KIAA1549L: variants seen among roughly 807,000 people sequenced by gnomAD.
The protein encoded by KIAA1549L is KIAA1549 like.
KIAA1549L carries 88 observed loss-of-function variants against 160.7 expected under a neutral mutation model. The ratio of observed to expected loss-of-function variants is 0.55; its 90% CI spans 0.46 to 0.65. The LOEUF (loss-of-function observed/expected upper bound fraction) is 0.65, where lower values mean the gene tolerates loss of function less well. Ranked by LOEUF, KIAA1549L falls within the 30% of genes least tolerant of loss-of-function variation. KIAA1549L has a pLI of 0.00. For missense variants in KIAA1549L, 2,258 were observed against 2,437.5 expected, an observed-to-expected ratio of 0.93 and a Z score of 1.55; for synonymous variants, 950 against 976.7, an observed-to-expected ratio of 0.97 and a Z score of 0.51.
At chr11:33,577,208 G>T (rs1196216240) in intron 10 of KIAA1549L, among the ~76,000 whole-genome samples, 1 of 152,198 alleles carries the variant, frequency 6.6e-6, no homozygotes, top group Non-Finnish European at 1.5e-5. Flanking sequence ...TAAGGGGATT[G>T]GAGGTTGTGA....
chr11:33,480,998 A>G (rs1852400769), intron 1 of KIAA1549L, among the ~76,000 whole-genome samples: 1 of 152,182 alleles, frequency 6.6e-6, no homozygotes, highest in South Asian at 2.1e-4. Context: ...TCAACATTGA[A>G]TTTTACTATT....
At position 33,534,239 on chromosome 11, in the gene KIAA1549L, C is replaced by A. The variant is rs373516689; in HGVS notation, c.239-7563C>A. Among the ~76,000 whole-genome samples, 753 of 151,818 alleles carry A rather than the reference C, an allele frequency of 5.0e-3. 3 individuals carry two copies. The highest frequency in any genetic ancestry group is 0.017 in the African/African-American group (698 of 41,322). ...CTGGGATTACAGGTTCCCACCACCA[C>A]GCCCAGCTAATTTTTTTTTTTTTTG... On this transcript the variant is annotated intron_variant, in intron 1 of 20. Transcript: ENST00000658780.
At chr11:33,563,378 GT>G (rs1854938788) in intron 8 of KIAA1549L, among the ~76,000 whole-genome samples, 1 of 150,244 alleles carries the variant, frequency 6.7e-6, no homozygotes, top group African/African-American at 2.5e-5. Flanking sequence ...AGAATTGGAA[GT>G]GGGGGGACAC....
intron 1 of KIAA1549L, among the ~76,000 whole-genome samples, chr11:33,391,810 G>A (rs920062565): frequency 2.0e-5 from 3 of 152,216 alleles, no homozygotes; most frequent in African/African-American, 7.2e-5. Flanking sequence ...GAAGGTCAGT[G>A]TCTTTACCTA....
chr11:33,552,857 G>A (rs1039583031), intron 6 of KIAA1549L, among the ~76,000 whole-genome samples: 3 of 152,126 alleles, frequency 2.0e-5, no homozygotes, highest in African/African-American at 7.2e-5. Flanking sequence ...CTTCCAGAAG[G>A]TCACACGGTA....
At chr11:33,630,626 G>A (rs553922997) in intron 16 of KIAA1549L, among the ~76,000 whole-genome samples, 29 of 152,134 alleles carry the variant, frequency 1.9e-4, no homozygotes, top group Non-Finnish European at 3.5e-4. Flanking sequence ...GCAATGCCTC[G>A]CCCTGCTTCG....
chr11:33,583,571 G>A, intron 11 of KIAA1549L, 70 bp downstream of exon 11: 1 of 1,388,328 alleles, frequency 7.2e-7, no homozygotes, highest in Non-Finnish European at 9.8e-7. Flanking sequence ...TTTCCCTCTT[G>A]CCTTTTGAGG....
chr11:33,384,445 G>A (rs1850132404), intron 1 of KIAA1549L, among the ~76,000 whole-genome samples: 3 of 152,184 alleles, frequency 2.0e-5, no homozygotes. Context: ...TTCCTTTTGG[G>A]TAAATGCCTA....
intron 3 of KIAA1549L, among the ~76,000 whole-genome samples, chr11:33,547,051 AG>A (rs1854287867): frequency 1.3e-5 from 2 of 152,268 alleles, no homozygotes; most frequent in Admixed American, 1.3e-4. Context: ...TGTGGCTAAG[AG>A]GGAACTGCTG....
At chr11:33,550,022 AAAAC>A (rs1283620686) in intron 4 of KIAA1549L, among the ~76,000 whole-genome samples, 2 of 144,942 alleles carry the variant, frequency 1.4e-5, no homozygotes, top group African/African-American at 2.7e-5. Context: ...AAAAACAAAA[AAAAC>A]AAACAAAAAA....
At chr11:33,536,983 A>G (rs537803388) in intron 1 of KIAA1549L, among the ~76,000 whole-genome samples, 1 of 152,108 alleles carries the variant, frequency 6.6e-6, no homozygotes, top group Non-Finnish European at 1.5e-5. Context: ...ACTAAAACCT[A>G]CAAAGCTGCA....
At chr11:33,590,286 C>T (rs1330419499) in intron 11 of KIAA1549L, among the ~76,000 whole-genome samples, 2 of 152,174 alleles carry the variant, frequency 1.3e-5, no homozygotes, top group Non-Finnish European at 2.9e-5. Context: ...GTAACTTACC[C>T]AAGGTCACAC....
chr11:33,508,791 C>T (rs1853156320), intron 1 of KIAA1549L, among the ~76,000 whole-genome samples: 1 of 152,208 alleles, frequency 6.6e-6, no homozygotes. Context: ...GAATGGAAAG[C>T]ATCATGTTTG....
intron 1 of KIAA1549L, among the ~76,000 whole-genome samples, chr11:33,397,722 A>ACG (rs1004680597): frequency 1.2e-4 from 11 of 95,128 alleles, no homozygotes; most frequent in African/African-American, 1.8e-4. Flanking sequence ...ACACACACAC[A>ACG]CACACACACA....
At position 33,545,299 on chromosome 11, in the gene KIAA1549L, A is replaced by G. The variant is rs571124842; in HGVS notation, c.3306A>G (p.Ala1102=). The G allele has an allele frequency of 1.9e-6, 3 of 1,613,776 alleles. No homozygotes were observed. The highest frequency in any genetic ancestry group is 2.2e-5 in the East Asian group (1 of 44,874). Residue 1102 remains alanine (A), a synonymous_variant, in exon 3 of 21, where the codon GCA becomes GCG. Coordinates refer to ENST00000658780, the MANE Select transcript of KIAA1549L (RefSeq NM_012194.3). ...AENTDAVLPA[A]SAAVVTTGKM... ...ACACAGATGCTGTCCTTCCTGCTGC[A>G]TCGGCTGCAGTGGTCACGACTGGCA...
In KIAA1549L at chr11:33,542,803, C is replaced by T. The variant is rs927480190; in HGVS notation, c.1240C>T (p.His414Tyr). ...PTFKNTETATHEAEPPLFQTA... is the reference protein window; with the variant it reads ...PTFKNTETATYEAEPPLFQTA... ...TTTTAAGAATACAGAAACAGCGACC[C>T]ATGAGGCTGAGCCTCCACTTTTCCA... The change falls in exon 2 of 21, where the codon CAT (histidine) becomes TAT (tyrosine). Residue 414 changes from histidine to tyrosine, a missense_variant. This residue lies in a region of KIAA1549L where 540 missense variants were observed against 465.7 expected (regional missense o/e 1.16). Transcript: ENST00000658780. The T allele has an allele frequency of 1.9e-6, 3 of 1,613,790 alleles. No homozygotes were observed. The African/African-American group carries it at 4.0e-5, about 22-fold the overall frequency.
chr11:33,625,525 T>C (rs948750590), intron 16 of KIAA1549L, among the ~76,000 whole-genome samples: 3 of 152,230 alleles, frequency 2.0e-5, no homozygotes, highest in African/African-American at 4.8e-5. Flanking sequence ...GTGAGCATTT[T>C]TTCATGTGTT....
In KIAA1549L at chr11:33,543,002, G is replaced by C. The variant is rs1390807332; in HGVS notation, c.1439G>C (p.Gly480Ala). 6.2e-7 allele frequency: 1 copy of C among 1,613,956 alleles called. No homozygotes were observed. The highest frequency in any genetic ancestry group is 1.6e-4 in the Middle Eastern group (1 of 6,062). Residue 480 changes from glycine (G) to alanine (A), a missense_variant, in exon 2 of 21, where the codon GGT becomes GCT. Physicochemically the swap from Gly to Ala is moderately conservative, Grantham distance 60. Around this residue, in one of 6 missense-constraint regions of KIAA1549L, gnomAD observed 540 missense variants for 465.7 expected, o/e 1.16. Transcript: ENST00000658780. Reference sequence around the variant, plus strand: ...CCTTCTCTGCATATCACCACACTGGGTCAAGAGCAAGCCATCCTTTCTGGG... The same window carrying C: ...CCTTCTCTGCATATCACCACACTGGCTCAAGAGCAAGCCATCCTTTCTGGG... ...LVPSLHITTL[G>A]QEQAILSGAV...
chr11:33,438,466 G>A (rs530856029), intron 1 of KIAA1549L, among the ~76,000 whole-genome samples: 3 of 152,368 alleles, frequency 2.0e-5, no homozygotes, highest in African/African-American at 7.2e-5. Context: ...AGCCAAAATT[G>A]GAGAGATGTC....
Sources: allele counts gnomAD v4.1 joint callset (sites outside exome capture counted in the v4.1 genomes callset), GRCh38; gene constraint gnomAD v4.1.1; regional missense constraint gnomAD v4.1.1; transcripts MANE v1.5; gene names NCBI Gene and HGNC (gene_info 2026-07-23, HGNC 2026-07-21).